The following CALN1 variants were observed in gnomAD, a reference collection of about 807,000 sequenced individuals.
CALN1 encodes the protein calneuron 1, also known as calcium-binding protein 8.
CALN1 carries 17 observed loss-of-function variants against 30.6 expected under a neutral mutation model. The ratio of observed to expected loss-of-function variants is 0.56; its 90% CI spans 0.38 to 0.83. The LOEUF is 0.83. CALN1 is among the 40% of genes least tolerant of loss of function. The pLI is 0.00. For missense variants in CALN1, 291 were observed against 354.9 expected (o/e 0.82, Z 1.45); for synonymous variants, 156 against 131.4 (o/e 1.19, Z -1.28).
At chr7:72,291,565 G>A (rs994490045) in intron 2 of CALN1, among the ~76,000 whole-genome samples, 1 of 152,224 alleles carries the variant, frequency 6.6e-6, no homozygotes, top group African/African-American at 2.4e-5. Context: ...CTGGCTTAGA[G>A]TTTTGATTTG....
chr7:72,455,820 G>A, the CALN1 span, among the ~76,000 whole-genome samples: 1 of 152,266 alleles, frequency 6.6e-6, no homozygotes, highest in South Asian at 2.1e-4. Context: ...GTCAAGGTCA[G>A]GCAGGAGAAA....
intron 5 of CALN1, among the ~76,000 whole-genome samples, chr7:71,835,236 C>G (rs1281252212): frequency 1.3e-5 from 2 of 152,218 alleles, no homozygotes; most frequent in African/African-American, 4.8e-5. Flanking sequence ...CATGGCTGAG[C>G]TTATAATCCT....
intron 3 of CALN1, among the ~76,000 whole-genome samples, chr7:72,162,894 G>C (rs1788219117): frequency 1.3e-5 from 2 of 152,208 alleles, no homozygotes; most frequent in South Asian, 4.1e-4. Flanking sequence ...GTTTGGGGCT[G>C]CCAGAAGAGT....
the CALN1 span, among the ~76,000 whole-genome samples, chr7:72,489,559 G>A: frequency 6.7e-6 from 1 of 149,984 alleles, no homozygotes; most frequent in African/African-American, 2.5e-5. Flanking sequence ...CAGAACTCAT[G>A]TTGTTTCTTG....
upstream of CALN1, among the ~76,000 whole-genome samples, chr7:72,451,057 C>A (rs1343668752): frequency 6.6e-6 from 1 of 151,356 alleles, no homozygotes; most frequent in Non-Finnish European, 1.5e-5. Flanking sequence ...TCCACAGTTC[C>A]TCAGAACAGA....
chr7:72,437,692 T>C (rs61507232), intron 1 of CALN1, among the ~76,000 whole-genome samples: 2 of 41,572 alleles, frequency 4.8e-5, no homozygotes, highest in African/African-American at 2.1e-4. Flanking sequence ...CTTTCCTTCC[T>C]CCCTCCCTCT....
At chr7:71,881,756 A>T (rs952421182) in intron 5 of CALN1, among the ~76,000 whole-genome samples, 1 of 152,094 alleles carries the variant, frequency 6.6e-6, no homozygotes, top group African/African-American at 2.4e-5. Context: ...GTGGCTTACA[A>T]CACAAATTTA....
At chr7:72,395,363 A>G (rs573530708) in intron 2 of CALN1, among the ~76,000 whole-genome samples, 94 of 151,912 alleles carry the variant, frequency 6.2e-4, no homozygotes, top group Admixed American at 6.0e-3. Flanking sequence ...GCGCGCGCAC[A>G]CACACACACA....
Position 72,341,745 on chromosome 7 carries a change from G to A in CALN1, c.119+61506C>T, listed in dbSNP as rs113118621. On this transcript the variant is annotated intron_variant, in intron 2 of 6. Coordinates refer to ENST00000395275, the MANE Select transcript of CALN1 (RefSeq NM_031468.4). ...TCTATAAAATGGGGATAATCAGAGT[G>A]TCTATTCCATAAGGCTTTGAGAAAA... Among the ~76,000 whole-genome samples, 1,363 of 152,306 alleles carry A rather than the reference G, an allele frequency of 8.9e-3. 18 individuals carry two copies. The highest frequency in any genetic ancestry group is 0.031 in the African/African-American group (1,285 of 41,558).
intron 5 of CALN1, among the ~76,000 whole-genome samples, chr7:71,989,353 G>A (rs539230908): frequency 6.6e-6 from 1 of 152,070 alleles, no homozygotes; most frequent in African/African-American, 2.4e-5. Flanking sequence ...CAAGAGAACT[G>A]CCTGAAGCCA....
rs567122451 is a variant in CALN1, at chr7:71,783,186, A to C, written c.*4589T>G. The C allele has an allele frequency of 2.5e-4, 38 of 152,294 alleles. No homozygotes were observed. The highest frequency in any genetic ancestry group is 8.9e-4 in the African/African-American group (37 of 41,534). 9.4% of individuals were successfully genotyped at this position (152,294 alleles called of 1,614,324 possible). ...TCCATGGGGATCACTGAAGAGGCCAATGAGAATGTTCTGATTTGAGGTCTT... is the reference window on the plus strand; with the variant it reads ...TCCATGGGGATCACTGAAGAGGCCACTGAGAATGTTCTGATTTGAGGTCTT... On this transcript the variant is annotated 3_prime_UTR_variant, in exon 7 of 7. Coordinates refer to ENST00000395275, the MANE Select transcript of CALN1 (RefSeq NM_031468.4).
intron 2 of CALN1, among the ~76,000 whole-genome samples, chr7:72,368,422 C>T (rs2968499): frequency 0.98 from 149,449 of 151,886 alleles, 73,566 homozygotes; most frequent in Middle Eastern, 1. Context: ...ATTGGTGCCA[C>T]ATAGAAATGG....
intron 4 of CALN1, among the ~76,000 whole-genome samples, chr7:72,072,283 C>A (rs1055511406): frequency 3.3e-5 from 5 of 152,156 alleles, no homozygotes; most frequent in Non-Finnish European, 4.4e-5. Flanking sequence ...AAGCATATTT[C>A]CACACAAATT....
intron 5 of CALN1, among the ~76,000 whole-genome samples, chr7:71,869,593 T>A (rs1791800917): frequency 6.6e-6 from 1 of 152,198 alleles, no homozygotes; most frequent in South Asian, 2.1e-4. Flanking sequence ...TGGTATTTCT[T>A]CATGTAAAAC....
At chr7:72,364,405 TG>T in intron 2 of CALN1, among the ~76,000 whole-genome samples, 2 of 152,374 alleles carry the variant, frequency 1.3e-5, no homozygotes, top group Non-Finnish European at 2.9e-5. Flanking sequence ...TAGATGTATC[TG>T]TAATTGTCAT....
At chr7:72,348,699 T>C (rs938412054) in intron 2 of CALN1, among the ~76,000 whole-genome samples, 1 of 152,204 alleles carries the variant, frequency 6.6e-6, no homozygotes, top group Non-Finnish European at 1.5e-5. Flanking sequence ...CCATATGGAT[T>C]GCCCCTTCCT....
chr7:71,994,784 G>A (rs1799158932), intron 5 of CALN1, among the ~76,000 whole-genome samples: 1 of 152,032 alleles, frequency 6.6e-6, no homozygotes, highest in Non-Finnish European at 1.5e-5. Context: ...TTACATAGAG[G>A]ACGAAAGATT....
chr7:72,334,965 T>C (rs543736013), intron 2 of CALN1, among the ~76,000 whole-genome samples: 4 of 152,204 alleles, frequency 2.6e-5, no homozygotes, highest in Non-Finnish European at 5.9e-5. Flanking sequence ...CAGGGCATCC[T>C]TGGGGCTTTG....
intron 2 of CALN1, among the ~76,000 whole-genome samples, chr7:72,360,738 A>G (rs1412174066): frequency 3.3e-5 from 5 of 150,364 alleles, no homozygotes; most frequent in Non-Finnish European, 7.4e-5. Flanking sequence ...ACTTAAAAGT[A>G]TAATTTTGAG....
Sources: gnomAD v4.1 joint callset for allele counts (sites outside exome capture counted in the v4.1 genomes callset) on GRCh38, gnomAD v4.1.1 for gene constraint, MANE v1.5 for transcripts, NCBI Gene and HGNC (gene_info 2026-07-23, HGNC 2026-07-21) for gene names.